ERBB4: variants seen among roughly 807,000 people sequenced by gnomAD.
ERBB4 encodes the protein erb-b2 receptor tyrosine kinase 4, also known as receptor tyrosine-protein kinase erbB-4.
ERBB4 carries 42 observed loss-of-function variants against 158.0 expected under a neutral mutation model. That is an observed-to-expected ratio of 0.27 (90% CI 0.21 to 0.34). The LOEUF is 0.34. ERBB4 is among the 10% of genes least tolerant of loss of function. The probability of loss-of-function intolerance (pLI) is 1.00; values close to 1 mark genes in which losing one functional copy is unlikely to be tolerated. For synonymous variants in ERBB4, 583 were observed against 558.7 expected (o/e 1.04, Z -0.61); for missense variants, 1,333 against 1,624.1 (o/e 0.82, Z 3.08).
intron 2 of ERBB4, among the ~76,000 whole-genome samples, chr2:211,954,655 A>G (rs923970611): frequency 6.6e-6 from 1 of 152,034 alleles, no homozygotes; most frequent in African/African-American, 2.4e-5. Flanking sequence ...TATGGTGGTA[A>G]GAGGGGGGGT....
intron 1 of ERBB4, among the ~76,000 whole-genome samples, chr2:212,166,800 C>A (rs1378158686): frequency 6.6e-6 from 1 of 151,994 alleles, no homozygotes; most frequent in East Asian, 1.9e-4. Flanking sequence ...CATCTACAAC[C>A]ATCTGATCTT....
chr2:212,297,904 A>C (rs918432022), intron 1 of ERBB4, among the ~76,000 whole-genome samples: 3 of 151,772 alleles, frequency 2.0e-5, no homozygotes, highest in African/African-American at 7.2e-5. Context: ...CAATGTAAAA[A>C]TATTTGAATT....
chr2:211,683,447 T>C (rs1361109496), intron 12 of ERBB4, among the ~76,000 whole-genome samples: 1 of 152,200 alleles, frequency 6.6e-6, no homozygotes, highest in African/African-American at 2.4e-5. Flanking sequence ...ATGTAATTTT[T>C]CATAATTGGC....
intron 2 of ERBB4, among the ~76,000 whole-genome samples, chr2:212,090,320 A>G (rs1314276880): frequency 6.6e-6 from 1 of 152,182 alleles, no homozygotes; most frequent in African/African-American, 2.4e-5. Flanking sequence ...TTCAATGCCC[A>G]TTGTACTATA....
rs571678746 is a variant in ERBB4 at position 211,878,130 on chromosome 2, C to A, written c.421+69300G>T. 6.1e-4 allele frequency among the ~76,000 whole-genome samples: 93 copies of A among 152,066 alleles called. No homozygotes were observed. The Middle Eastern group carries it at 0.01, about 17-fold the overall frequency. ...CTCAAAACAAACAAACAAACAACAA[C>A]AAAAAACAATGTATCACCGTAGAAA... On this transcript the variant is annotated intron_variant, in intron 3 of 27. Transcript: ENST00000342788.
At chr2:212,009,205 T>C (rs2076327773) in intron 2 of ERBB4, among the ~76,000 whole-genome samples, 1 of 152,066 alleles carries the variant, frequency 6.6e-6, no homozygotes, top group Non-Finnish European at 1.5e-5. Flanking sequence ...GTGATCTTCT[T>C]TGGAAAAAGG....
chr2:211,981,466 T>G (rs1240564059), intron 2 of ERBB4, among the ~76,000 whole-genome samples: 1 of 152,174 alleles, frequency 6.6e-6, no homozygotes, highest in Non-Finnish European at 1.5e-5. Context: ...TAGGTTTAGG[T>G]GTAAATTCTT....
chr2:212,009,394 C>T (rs2076332396), intron 2 of ERBB4, among the ~76,000 whole-genome samples: 1 of 151,364 alleles, frequency 6.6e-6, no homozygotes, highest in South Asian at 2.1e-4. Context: ...ACAGCTACAA[C>T]CAAGGAACAC....
intron 2 of ERBB4, among the ~76,000 whole-genome samples, chr2:212,018,663 T>C (rs957321221): frequency 3.3e-5 from 5 of 152,182 alleles, no homozygotes; most frequent in East Asian, 1.9e-4. Context: ...ATAGGGTTCA[T>C]AGAACACATT....
intron 5 of ERBB4, among the ~76,000 whole-genome samples, chr2:211,728,904 T>G (rs2074352702): frequency 6.6e-6 from 1 of 151,824 alleles, no homozygotes; most frequent in South Asian, 2.1e-4. Context: ...ATTACAATGA[T>G]AAGACAAGTA....
intron 5 of ERBB4, among the ~76,000 whole-genome samples, chr2:211,728,033 G>T (rs1404820348): frequency 1.3e-5 from 2 of 151,796 alleles, no homozygotes; most frequent in Admixed American, 1.3e-4. Context: ...ACAAAATTCT[G>T]CATAATAAAT....
intron 1 of ERBB4, among the ~76,000 whole-genome samples, chr2:212,199,163 T>G (rs2082519198): frequency 6.6e-6 from 1 of 152,154 alleles, no homozygotes; most frequent in Non-Finnish European, 1.5e-5. Flanking sequence ...CAATACTTGT[T>G]AGAAAATATT....
At chr2:211,656,515 G>C (rs1179371891) in intron 16 of ERBB4, among the ~76,000 whole-genome samples, 1 of 152,178 alleles carries the variant, frequency 6.6e-6, no homozygotes, top group Non-Finnish European at 1.5e-5. Context: ...TTTATATACA[G>C]TAAAACATAC....
chr2:211,460,930 C>T (rs1387421341), intron 20 of ERBB4, among the ~76,000 whole-genome samples: 1 of 151,970 alleles, frequency 6.6e-6, no homozygotes, highest in Non-Finnish European at 1.5e-5. Context: ...CTTCCTTAGC[C>T]AGGTATATTG....
At chr2:212,222,986 G>A (rs1003487113) in intron 1 of ERBB4, among the ~76,000 whole-genome samples, 5 of 151,420 alleles carry the variant, frequency 3.3e-5, no homozygotes, top group African/African-American at 1.2e-4. Context: ...AACTCATTAA[G>A]TGCCTCTTAT....
intron 1 of ERBB4, among the ~76,000 whole-genome samples, chr2:212,433,214 TA>T (rs2092068196): frequency 6.6e-6 from 1 of 152,180 alleles, no homozygotes; most frequent in Admixed American, 6.6e-5. Flanking sequence ...TAATATTTTC[TA>T]AAAACTTCCA....
intron 19 of ERBB4, among the ~76,000 whole-genome samples, chr2:211,584,659 A>G (rs2068208447): frequency 6.6e-6 from 1 of 152,060 alleles, no homozygotes; most frequent in South Asian, 2.1e-4. Context: ...CATACTATAT[A>G]TGAATAAGAA....
rs767067211 is a variant in ERBB4, at chr2:211,757,970, C to A, written c.557-7266G>T. 3.3e-5 allele frequency among the ~76,000 whole-genome samples: 5 copies of A among 152,198 alleles called. No homozygotes were observed. In the East Asian group the frequency reaches 7.7e-4, roughly 24 times the overall value. Reference sequence around the variant, plus strand: ...AGCAACCAGCTACTCCATTTGCAGGCTGAATATAGAACTGTTTCTACATAT... The same window carrying A: ...AGCAACCAGCTACTCCATTTGCAGGATGAATATAGAACTGTTTCTACATAT... On this transcript the variant is annotated intron_variant, in intron 4 of 27. Transcript: ENST00000342788.
chr2:211,761,120 G>A (rs952561492), intron 4 of ERBB4, among the ~76,000 whole-genome samples: 3 of 149,980 alleles, frequency 2.0e-5, no homozygotes, highest in African/African-American at 7.4e-5. Flanking sequence ...ACTTGAACCA[G>A]GGAATCAGAG....
Sources: gnomAD v4.1 joint callset for allele counts (sites outside exome capture counted in the v4.1 genomes callset) on GRCh38, gnomAD v4.1.1 for gene constraint, MANE v1.5 for transcripts, NCBI Gene and HGNC (gene_info 2026-07-23, HGNC 2026-07-21) for gene names.